Variants in SET observed in about 807,000 individuals in gnomAD.
SET encodes protein SET.
Under a neutral mutation model 39.0 loss-of-function variants are expected in SET, and 4 were observed. The ratio of observed to expected loss-of-function variants is 0.10; its 90% CI spans 0.05 to 0.23. The LOEUF is 0.23. Among genes scored for constraint, SET ranks in the 10% least tolerant of loss-of-function variants. The pLI is 1.00. For synonymous variants in SET, 114 were observed against 115.9 expected, an observed-to-expected ratio of 0.98 and a Z score of 0.11; for missense variants, 137 against 329.7, an observed-to-expected ratio of 0.42 and a Z score of 4.53.
chr9:128,689,561 C>G lies in SET; in HGVS notation c.-22C>G. Reference sequence around the variant, plus strand: ...CCCTTCTCTCCCCCTCCCCGCTCCCCCCCCGACCGCGGAGCAGCACCATGT... The same window carrying G: ...CCCTTCTCTCCCCCTCCCCGCTCCCGCCCCGACCGCGGAGCAGCACCATGT... On this transcript the variant is annotated 5_prime_UTR_variant, in exon 1 of 8. Coordinates refer to ENST00000322030, the MANE Select transcript of SET (RefSeq NM_003011.4). 7.5e-7 allele frequency: 1 copy of G among 1,335,964 alleles called. No homozygotes were observed. The highest frequency in any genetic ancestry group is 9.8e-7 in the Non-Finnish European group (1 of 1,017,410). The allele number at this position is 1,335,964 out of a possible 1,614,324, so 82.8% of individuals were successfully genotyped here.
chr9:128,684,759 C>G (rs1224304740), upstream of SET, among the ~76,000 whole-genome samples: 1 of 152,160 alleles, frequency 6.6e-6, no homozygotes, highest in East Asian at 1.9e-4. Context: ...CTCCAGCTCT[C>G]TGCTGGAAAG....
chr9:128,685,067 C>A (rs575892486), upstream of SET: 1 of 1,523,678 alleles, frequency 6.6e-7, no homozygotes. Flanking sequence ...TGGCTGAGGG[C>A]AGGCAACTCT....
chr9:128,685,100 A>C (rs932878203), upstream of SET: 4 of 1,548,648 alleles, frequency 2.6e-6, no homozygotes, highest in South Asian at 1.2e-5. Context: ...ACTGAGGAGG[A>C]GTCCTACCTC....
chr9:128,685,606 G>A (rs1229315386), upstream of SET, among the ~76,000 whole-genome samples: 1 of 152,238 alleles, frequency 6.6e-6, no homozygotes, highest in East Asian at 1.9e-4. Context: ...AGATGTGTAT[G>A]TGTCTGTGGC....
chr9:128,688,665 G>T (rs1405574669), upstream of SET, among the ~76,000 whole-genome samples: 1 of 152,232 alleles, frequency 6.6e-6, no homozygotes, highest in Non-Finnish European at 1.5e-5. Flanking sequence ...GCTGGGCAGG[G>T]CTTGGACTAA....
rs35778650 is a variant in SET at position 128,694,734 on chromosome 9, C to CTTT, written c.*92_*94dup. ...CCAGTCCCTGGGAGCAAGTTGCAGT[C>CTTT]TTTTTTTTTTTTTTTTTTTTTTTTC... On this transcript the variant is annotated 3_prime_UTR_variant, in exon 8 of 8. Transcript: ENST00000322030. 8.4e-4 allele frequency: 254 copies of CTTT among 303,894 alleles called. No individual in the cohort carries two copies. The highest frequency in any genetic ancestry group is 4.3e-3 in the East Asian group (79 of 18,588). The allele number at this position is 303,894 out of a possible 1,614,324, so 18.8% of individuals were successfully genotyped here.
chr9:128,685,798 G>A (rs1564355758), upstream of SET, among the ~76,000 whole-genome samples: 2 of 152,162 alleles, frequency 1.3e-5, 1 homozygote, highest in South Asian at 4.1e-4. Flanking sequence ...TTGGGAGGCC[G>A]AGGTGGGCAG....
In SET at chr9:128,695,484, TAA is replaced by T. The variant is rs1377729259; in HGVS notation, c.*823_*824del. 2 of 222,384 alleles carry T rather than the reference TAA, an allele frequency of 9.0e-6. No individual in the cohort carries two copies. The highest frequency in any genetic ancestry group is 9.2e-6 in the Non-Finnish European group (1 of 108,790). 13.8% of individuals were successfully genotyped at this position (222,384 alleles called of 1,614,324 possible). A position where few individuals can be genotyped will look rare whatever the true frequency, so the allele number is the denominator to read the frequency against. On this transcript the variant is annotated 3_prime_UTR_variant, in exon 8 of 8. Transcript: ENST00000322030. ...AAAGATGATGCTCAGTTTTAAACGTTAAAAGTGTACAAGTTGCTTTGTTACAA... is the reference window on the plus strand; with the variant it reads ...AAAGATGATGCTCAGTTTTAAACGTTAAGTGTACAAGTTGCTTTGTTACAA...
At chr9:128,685,078 T>G (rs527575922), upstream of SET, 565 of 1,534,970 alleles carry the variant, frequency 3.7e-4, 1 homozygote, top group Admixed American at 5.4e-4. Flanking sequence ...AGGCAACTCT[T>G]ATGGAAGAAG....
At chr9:128,687,955 G>A (rs1281275520), upstream of SET, among the ~76,000 whole-genome samples, 1 of 151,896 alleles carries the variant, frequency 6.6e-6, no homozygotes, top group African/African-American at 2.4e-5. Context: ...AGTGGCTCCC[G>A]CCTGTAATCC....
At chr9:128,683,744 G>T (rs1861192608) in exon 1 of SET, 2 of 593,092 alleles carry the variant, frequency 3.4e-6, no homozygotes, top group South Asian at 2.2e-5. Flanking sequence ...GGGGGCCGGG[G>T]TGTGTGTCCC....
chr9:128,689,513 C>T lies in SET; in HGVS notation c.-70C>T, dbSNP rs1861419569. The T allele has an allele frequency of 2.6e-6, 2 of 758,324 alleles. No homozygotes were observed. The highest frequency in any genetic ancestry group is 3.7e-6 in the Non-Finnish European group (2 of 542,898). The allele number at this position is 758,324 out of a possible 1,614,324, so 47.0% of individuals were successfully genotyped here. A position where few individuals can be genotyped will look rare whatever the true frequency, so the allele number is the denominator to read the frequency against. ...CCGCGCGTGTGGCGTGAGGGGAAGCCGCTTGCCCGCCCCCTTCGCCTTCCC... is the reference window on the plus strand; with the variant it reads ...CCGCGCGTGTGGCGTGAGGGGAAGCTGCTTGCCCGCCCCCTTCGCCTTCCC... On this transcript the variant is annotated 5_prime_UTR_variant, in exon 1 of 8. Transcript: ENST00000322030.
At chr9:128,690,045 C>T (rs1159510478) in intron 1 of SET, 13 of 986,858 alleles carry the variant, frequency 1.3e-5, no homozygotes, top group Non-Finnish European at 1.5e-5. Context: ...GGACGCGGCC[C>T]CGCGCCCGAC....
chr9:128,690,203 C>G (rs919099175), intron 1 of SET: 18 of 154,050 alleles, frequency 1.2e-4, no homozygotes, highest in East Asian at 5.8e-4. Flanking sequence ...GGGCCTTGGC[C>G]GGCCGGGAGG....
At position 128,694,833 on chromosome 9, in the gene SET, A is replaced by G. The variant is rs1470257927; in HGVS notation, c.*169A>G. ...ATGGTTCTCAATTTATTTGGGGGGA[A>G]ATACCTTGAGCAGAATACAATGGGA... On this transcript the variant is annotated 3_prime_UTR_variant, in exon 8 of 8. Transcript: ENST00000322030. The G allele has an allele frequency of 4.1e-6, 2 of 490,112 alleles. No homozygotes were observed. The highest frequency in any genetic ancestry group is 2.1e-5 in the African/African-American group (1 of 48,382). 30.4% of individuals were successfully genotyped at this position (490,112 alleles called of 1,614,324 possible).
At chr9:128,693,096 T>C (rs1861605305) in intron 5 of SET, 115 bp downstream of exon 5, 2 of 701,246 alleles carry the variant, frequency 2.9e-6, no homozygotes, top group South Asian at 1.9e-5. Context: ...AACCTTAAAA[T>C]ATAAAACGTT....
upstream of SET, among the ~76,000 whole-genome samples, chr9:128,684,526 C>G (rs1861224187): frequency 6.6e-6 from 1 of 152,122 alleles, no homozygotes; most frequent in Non-Finnish European, 1.5e-5. Flanking sequence ...CACTCCCCGG[C>G]TTAAACCCCT....
intron 5 of SET, 59 bp downstream of exon 5, chr9:128,693,040 A>G: frequency 1.8e-6 from 2 of 1,140,346 alleles, no homozygotes; most frequent in Non-Finnish European, 2.6e-6. Context: ...GTTTAGTTTT[A>G]ACCACTTACA....
upstream of SET, among the ~76,000 whole-genome samples, chr9:128,687,645 A>G (rs1861333152): frequency 6.7e-6 from 1 of 149,872 alleles, no homozygotes; most frequent in Non-Finnish European, 1.5e-5. Context: ...AAAAGAGCCA[A>G]TGGTAAAGTG....
Sources: allele counts gnomAD v4.1 joint callset (sites outside exome capture counted in the v4.1 genomes callset), GRCh38; gene constraint gnomAD v4.1.1; transcripts MANE v1.5; gene names NCBI Gene and HGNC (gene_info 2026-07-23, HGNC 2026-07-21).